Variants in GRIK3 observed in about 807,000 individuals in gnomAD.
GRIK3 encodes the protein glutamate ionotropic receptor kainate type subunit 3.
GRIK3 carries 29 observed loss-of-function variants against 102.5 expected under a neutral mutation model. The observed-to-expected ratio is 0.28, with a 90% CI of 0.21 to 0.39. GRIK3 has a LOEUF of 0.39. Ranked by LOEUF, GRIK3 falls within the 10% of genes least tolerant of loss-of-function variation. The pLI is 1.00. For missense variants in GRIK3, 908 were observed against 1,252.4 expected (o/e 0.73, Z 4.15); for synonymous variants, 511 against 504.9 (o/e 1.01, Z -0.16).
rs1642364634 is a variant in GRIK3 at position 36,796,323 on chromosome 1, A to G, written c.*5528T>C. ...GCCCTGCCAGGATGCCGCAGGGGAG[A>G]GAAAGGCAGACAGATGGAGCCTGGG... On this transcript the variant is annotated 3_prime_UTR_variant, in exon 16 of 16. Coordinates refer to ENST00000373091, the MANE Select transcript of GRIK3 (RefSeq NM_000831.4). The G allele has an allele frequency of 6.6e-6, 1 of 152,202 alleles. No homozygotes were observed. Among genetic ancestry groups the G allele is most frequent in the South Asian group, 2.1e-4 (1 of 4,820 alleles). The allele number at this position is 152,202 out of a possible 1,614,324, so 9.4% of individuals were successfully genotyped here. A position where few individuals can be genotyped will look rare whatever the true frequency, so the allele number is the denominator to read the frequency against.
At chr1:36,821,228 A>C (rs1448276657) in intron 11 of GRIK3, among the ~76,000 whole-genome samples, 1 of 152,256 alleles carries the variant, frequency 6.6e-6, no homozygotes, top group Admixed American at 6.5e-5. Context: ...GGAAATTCTA[A>C]AGAAAGGTTT....
At chr1:36,865,137 T>C (rs936726425) in intron 5 of GRIK3, among the ~76,000 whole-genome samples, 1 of 152,170 alleles carries the variant, frequency 6.6e-6, no homozygotes, top group Non-Finnish European at 1.5e-5. Flanking sequence ...TGCCAGGAAG[T>C]GGCATTAATT....
At chr1:36,990,401 G>T (rs1374023784) in intron 1 of GRIK3, among the ~76,000 whole-genome samples, 1 of 152,150 alleles carries the variant, frequency 6.6e-6, no homozygotes, top group Admixed American at 6.5e-5. Flanking sequence ...ACTTGGAAGG[G>T]CAGTACCCTT....
At chr1:36,884,629 C>T (rs1166313420) in intron 2 of GRIK3, among the ~76,000 whole-genome samples, 3 of 152,156 alleles carry the variant, frequency 2.0e-5, no homozygotes, top group East Asian at 3.9e-4. Flanking sequence ...CTGTAGGTTT[C>T]CCTCATACTC....
At chr1:36,944,297 T>C (rs1641758671) in intron 1 of GRIK3, among the ~76,000 whole-genome samples, 1 of 152,184 alleles carries the variant, frequency 6.6e-6, no homozygotes, top group South Asian at 2.1e-4. Flanking sequence ...AGAGCAAGCC[T>C]TGGGAAAGTG....
At chr1:36,972,443 T>G (rs1316637513) in intron 1 of GRIK3, among the ~76,000 whole-genome samples, 1 of 152,188 alleles carries the variant, frequency 6.6e-6, no homozygotes, top group African/African-American at 2.4e-5. Context: ...AATATGATCT[T>G]GTCCCTGAAT....
chr1:36,991,173 T>C (rs1436897949), intron 1 of GRIK3, among the ~76,000 whole-genome samples: 1 of 152,162 alleles, frequency 6.6e-6, no homozygotes, highest in Non-Finnish European at 1.5e-5. Context: ...CCAGGAACAC[T>C]AAACCGCAGC....
intron 14 of GRIK3, 110 bp downstream of exon 14, chr1:36,805,994 C>A: frequency 1.7e-6 from 1 of 584,280 alleles, no homozygotes; most frequent in East Asian, 3.0e-5. Context: ...AAAACGTCAC[C>A]TTTATCAGCC....
chr1:36,955,357 C>T (rs1641893981), intron 1 of GRIK3, among the ~76,000 whole-genome samples: 1 of 152,238 alleles, frequency 6.6e-6, no homozygotes, highest in South Asian at 2.1e-4. Flanking sequence ...CGTCCACACA[C>T]CGAGCAGCGC....
intron 9 of GRIK3, among the ~76,000 whole-genome samples, chr1:36,844,175 G>A (rs1257610237): frequency 6.6e-6 from 1 of 152,218 alleles, no homozygotes; most frequent in African/African-American, 2.4e-5. Context: ...TTCAGGGAAA[G>A]AACTGGTGGG....
intron 1 of GRIK3, among the ~76,000 whole-genome samples, chr1:37,018,385 C>T (rs1486222835): frequency 1.3e-5 from 2 of 152,166 alleles, no homozygotes; most frequent in African/African-American, 2.4e-5. Context: ...TCACTGGCCC[C>T]GATTCTACTG....
intron 1 of GRIK3, among the ~76,000 whole-genome samples, chr1:36,947,653 C>G (rs912388031): frequency 6.6e-6 from 1 of 152,110 alleles, no homozygotes; most frequent in Non-Finnish European, 1.5e-5. Flanking sequence ...GAGCTCACCC[C>G]CTCCAGTGAG....
intron 1 of GRIK3, among the ~76,000 whole-genome samples, chr1:36,912,055 C>T (rs1641351236): frequency 6.6e-6 from 1 of 152,172 alleles, no homozygotes; most frequent in Non-Finnish European, 1.5e-5. Context: ...CTCTTCCAGG[C>T]AGGGTGTCCT....
intron 1 of GRIK3, among the ~76,000 whole-genome samples, chr1:37,012,526 G>C (rs772453132): frequency 6.6e-6 from 1 of 152,340 alleles, no homozygotes; most frequent in South Asian, 2.1e-4. Context: ...GTTAAGAAAC[G>C]TGCTGGCCCA....
chr1:36,891,191 G>T, intron 1 of GRIK3, 95 bp from the exon 2 acceptor site: 2 of 909,056 alleles, frequency 2.2e-6, no homozygotes, highest in Non-Finnish European at 3.5e-6. Context: ...CAAGTTGCCT[G>T]CTCCCTGAAA....
chr1:37,002,195 A>C (rs1275802976), intron 1 of GRIK3, among the ~76,000 whole-genome samples: 2 of 152,374 alleles, frequency 1.3e-5, no homozygotes, highest in East Asian at 3.9e-4. Context: ...TTTACAAAAT[A>C]CATAGTAGAT....
chr1:36,901,895 A>G (rs1413031001), intron 1 of GRIK3, among the ~76,000 whole-genome samples: 1 of 152,258 alleles, frequency 6.6e-6, no homozygotes, highest in African/African-American at 2.4e-5. Flanking sequence ...GGCAGAATAT[A>G]CGGTTAATAT....
At chr1:36,973,122 C>T (rs550451818) in intron 1 of GRIK3, among the ~76,000 whole-genome samples, 5 of 152,292 alleles carry the variant, frequency 3.3e-5, no homozygotes, top group Non-Finnish European at 7.4e-5. Flanking sequence ...CTTCATGCAC[C>T]TAACCCTCCC....
chr1:36,863,480 T>C (rs772957174), intron 5 of GRIK3, among the ~76,000 whole-genome samples: 21 of 151,478 alleles, frequency 1.4e-4, no homozygotes, highest in Non-Finnish European at 2.6e-4. Flanking sequence ...TCCTACCCTC[T>C]CAATTTTTTT....
Sources: allele counts gnomAD v4.1 joint callset (sites outside exome capture counted in the v4.1 genomes callset), GRCh38; gene constraint gnomAD v4.1.1; transcripts MANE v1.5; gene names NCBI Gene and HGNC (gene_info 2026-07-23, HGNC 2026-07-21).